VDAC1: variants seen among roughly 807,000 people sequenced by gnomAD.
The protein encoded by VDAC1 is voltage dependent anion channel 1.
In VDAC1, 10 loss-of-function variants were observed where a neutral mutation model predicts 34.7. The observed-to-expected ratio is 0.29, with a 90% CI of 0.18 to 0.49. VDAC1 has a LOEUF of 0.49. VDAC1 is among the 20% of genes least tolerant of loss of function. VDAC1 has a pLI of 0.99. For missense variants in VDAC1, 230 were observed against 347.9 expected (o/e 0.66, Z 2.69); for synonymous variants, 130 against 136.0 (o/e 0.96, Z 0.30).
At chr5:134,039,815 CA>C in the VDAC1 span, among the ~76,000 whole-genome samples, 1 of 152,210 alleles carries the variant, frequency 6.6e-6, no homozygotes, top group Non-Finnish European at 1.5e-5. Flanking sequence ...TCCCTGTTCT[CA>C]AATTAGGGGA....
chr5:134,112,913 T>G, the VDAC1 span, among the ~76,000 whole-genome samples: 1 of 152,134 alleles, frequency 6.6e-6, no homozygotes, highest in Admixed American at 6.5e-5. Flanking sequence ...GGACAGCTAT[T>G]CTGGAGGACG....
chr5:134,080,562 A>G, the VDAC1 span, among the ~76,000 whole-genome samples: 610 of 47,350 alleles, frequency 0.013, no homozygotes, highest in African/African-American at 0.039. Flanking sequence ...CCGAGGTACC[A>G]TACCGTGAGC....
the VDAC1 span, among the ~76,000 whole-genome samples, chr5:134,021,658 T>C: frequency 1.3e-5 from 2 of 152,098 alleles, no homozygotes; most frequent in African/African-American, 4.8e-5. Flanking sequence ...CCAAGAAATT[T>C]CCAGCTTAGA....
intron 5 of VDAC1, among the ~76,000 whole-genome samples, chr5:133,983,929 A>G (rs1752802157): frequency 6.6e-6 from 1 of 152,132 alleles, no homozygotes; most frequent in Admixed American, 6.5e-5. Context: ...CTGCTTCATC[A>G]ATCACCATGA....
At chr5:134,097,623 G>A in the VDAC1 span, among the ~76,000 whole-genome samples, 4 of 152,192 alleles carry the variant, frequency 2.6e-5, no homozygotes, top group Non-Finnish European at 4.4e-5. Context: ...ATGGCTGGAA[G>A]GTGCTTGGTC....
chr5:134,093,645 A>G, the VDAC1 span, among the ~76,000 whole-genome samples: 1 of 152,242 alleles, frequency 6.6e-6, no homozygotes, highest in East Asian at 1.9e-4. Context: ...TGGTGTCAAG[A>G]GCGTGAGCCG....
intron 1 of VDAC1, among the ~76,000 whole-genome samples, chr5:133,998,262 G>A (rs1753410367): frequency 6.6e-6 from 1 of 152,146 alleles, no homozygotes; most frequent in African/African-American, 2.4e-5. Context: ...ATACGCTTCT[G>A]GAGAAGGAGG....
At chr5:133,999,568 G>A (rs1418085702) in intron 1 of VDAC1, among the ~76,000 whole-genome samples, 3 of 152,098 alleles carry the variant, frequency 2.0e-5, no homozygotes, top group Non-Finnish European at 4.4e-5. Context: ...CGGGAGTTTA[G>A]GGAAGAATGA....
At chr5:134,112,802 C>T in the VDAC1 span, among the ~76,000 whole-genome samples, 1 of 152,128 alleles carries the variant, frequency 6.6e-6, no homozygotes, top group Non-Finnish European at 1.5e-5. Context: ...CAAAACAAAA[C>T]AAAAAGAACC....
chr5:134,069,731 A>G, the VDAC1 span, among the ~76,000 whole-genome samples: 1 of 152,130 alleles, frequency 6.6e-6, no homozygotes, highest in South Asian at 2.1e-4. Context: ...AAAGTGTTTG[A>G]ACCAGAGCAA....
chr5:134,047,833 G>T, the VDAC1 span, among the ~76,000 whole-genome samples: 1 of 152,152 alleles, frequency 6.6e-6, no homozygotes, highest in African/African-American at 2.4e-5. Context: ...GGTCCCAGAG[G>T]CACAGTTCAC....
chr5:133,979,424 C>CCTTTT (rs1752602499), intron 6 of VDAC1, among the ~76,000 whole-genome samples: 1 of 80,992 alleles, frequency 1.2e-5, no homozygotes, highest in Non-Finnish European at 2.1e-5. Flanking sequence ...ATTTTCTTTG[C>CCTTTT]TTTTTTTTTT....
chr5:134,001,483 G>A (rs745977100), intron 1 of VDAC1, among the ~76,000 whole-genome samples: 2 of 152,078 alleles, frequency 1.3e-5, no homozygotes, highest in Non-Finnish European at 2.9e-5. Context: ...TTAGGAGGCC[G>A]AGGCGGGTGG....
chr5:134,048,220 G>A, the VDAC1 span, among the ~76,000 whole-genome samples: 15 of 151,696 alleles, frequency 9.9e-5, no homozygotes, highest in African/African-American at 2.7e-4. Context: ...TGCCTGCCTC[G>A]GCCTCCCAAA....
intron 3 of VDAC1, among the ~76,000 whole-genome samples, chr5:133,991,608 G>A (rs1018792119): frequency 3.9e-5 from 6 of 152,170 alleles, no homozygotes; most frequent in Non-Finnish European, 7.3e-5. Context: ...AGAAGCACAA[G>A]GAAAACTAAA....
intron 7 of VDAC1, 94 bp from the exon 8 acceptor site, chr5:133,973,942 G>A (rs557094528): frequency 8.2e-7 from 1 of 1,214,352 alleles, no homozygotes; most frequent in Non-Finnish European, 1.2e-6. Flanking sequence ...ACCAACCTTG[G>A]ACTTTAGAAT....
At chr5:134,054,623 C>A in the VDAC1 span, among the ~76,000 whole-genome samples, 2 of 152,170 alleles carry the variant, frequency 1.3e-5, no homozygotes, top group African/African-American at 2.4e-5. Context: ...TCATGCCTAG[C>A]TAATTTTTTT....
the VDAC1 span, among the ~76,000 whole-genome samples, chr5:134,011,639 C>CT: frequency 6.4e-4 from 86 of 135,064 alleles, no homozygotes; most frequent in Middle Eastern, 4.1e-3. Context: ...ATCACAAGTT[C>CT]TTTTTTTTTT....
chr5:133,976,054 C>T, intron 6 of VDAC1, 33 bp from the exon 7 acceptor site: 3 of 1,613,458 alleles, frequency 1.9e-6, no homozygotes, highest in Non-Finnish European at 2.5e-6. Flanking sequence ...TGCTGAGCTT[C>T]CCAGGGAGGT....
Sources: allele counts gnomAD v4.1 joint callset (sites outside exome capture counted in the v4.1 genomes callset), GRCh38; gene constraint gnomAD v4.1.1; transcripts MANE v1.5; gene names NCBI Gene and HGNC (gene_info 2026-07-23, HGNC 2026-07-21).